Variants in GALNT13 observed in about 807,000 individuals in gnomAD.
GALNT13 encodes the protein polypeptide N-acetylgalactosaminyltransferase 13, also known as UDP-GalNAc:polypeptide N-acetylgalactosaminyltransferase 13.
A neutral mutation model predicts 64.2 loss-of-function variants in GALNT13; 28 were observed. The observed-to-expected ratio is 0.44, with a 90% confidence interval of 0.32 to 0.60. GALNT13 has a LOEUF of 0.60. Ranked by LOEUF, GALNT13 falls within the 20% of genes least tolerant of loss-of-function variation. The pLI is 0.05. For missense variants in GALNT13, 577 were observed against 669.8 expected (o/e 0.86, Z 1.53); for synonymous variants, 214 against 224.6 (o/e 0.95, Z 0.42).
chr2:153,237,574 G>A, the GALNT13 span, among the ~76,000 whole-genome samples: 1 of 152,014 alleles, frequency 6.6e-6, no homozygotes, highest in African/African-American at 2.4e-5. Context: ...TTGAGAACAT[G>A]CAAAGGTTTT....
downstream of GALNT13, among the ~76,000 whole-genome samples, chr2:154,455,079 G>T (rs1017301629): frequency 2.6e-5 from 4 of 152,222 alleles, no homozygotes; most frequent in African/African-American, 7.2e-5. Flanking sequence ...TTGCCATGGT[G>T]CTTAGAAACA....
the GALNT13 span, among the ~76,000 whole-genome samples, chr2:153,360,846 G>A: frequency 1.3e-5 from 2 of 152,244 alleles, no homozygotes; most frequent in Non-Finnish European, 2.9e-5. Context: ...CCCCAGCATG[G>A]CACACCTCCT....
chr2:153,681,449 T>C, the GALNT13 span, among the ~76,000 whole-genome samples: 1 of 151,860 alleles, frequency 6.6e-6, no homozygotes, highest in South Asian at 2.1e-4. Flanking sequence ...ATTTTCTCTG[T>C]TTAATATTCT....
At chr2:154,349,244 G>C (rs1021626318) in intron 9 of GALNT13, among the ~76,000 whole-genome samples, 9 of 152,136 alleles carry the variant, frequency 5.9e-5, no homozygotes, top group Non-Finnish European at 1.2e-4. Context: ...ACACATAATT[G>C]ATGGGATATG....
the GALNT13 span, among the ~76,000 whole-genome samples, chr2:153,643,562 A>C: frequency 1.3e-5 from 2 of 151,850 alleles, no homozygotes; most frequent in African/African-American, 4.8e-5. Flanking sequence ...AAGTTAATCC[A>C]ATCTCCACAA....
At chr2:154,129,738 C>T (rs548457483) in intron 3 of GALNT13, among the ~76,000 whole-genome samples, 32 of 151,934 alleles carry the variant, frequency 2.1e-4, no homozygotes, top group African/African-American at 7.5e-4. Context: ...TATGTTAATT[C>T]CCAGCAAACA....
chr2:153,109,458 A>G, the GALNT13 span, among the ~76,000 whole-genome samples: 36 of 152,296 alleles, frequency 2.4e-4, no homozygotes, highest in Admixed American at 1.6e-3. Context: ...AGAGAGTTCA[A>G]TTGGTTCTAT....
rs1054390213 is a variant in GALNT13 at position 154,313,887 on chromosome 2, G to A, written c.1156+12298G>A. Among the ~76,000 whole-genome samples, 4 of 151,622 alleles carry A rather than the reference G, an allele frequency of 2.6e-5. No individual in the cohort carries two copies. The South Asian group carries it at 8.3e-4, about 31-fold the overall frequency. ...AGTCTAATCATTTTTTTTTGTATAT[G>A]CAACCAATACAATAGTCTGAAATTT... On this transcript the variant is annotated intron_variant, in intron 9 of 12. Coordinates refer to ENST00000392825, the MANE Select transcript of GALNT13 (RefSeq NM_052917.4).
the GALNT13 span, among the ~76,000 whole-genome samples, chr2:153,809,639 T>C: frequency 6.6e-6 from 1 of 152,220 alleles, no homozygotes; most frequent in African/African-American, 2.4e-5. Context: ...TCCAGTCCAT[T>C]GAAGTGGGTC....
chr2:153,724,833 C>T, the GALNT13 span, among the ~76,000 whole-genome samples: 10,453 of 131,956 alleles, frequency 0.079, 760 homozygotes, highest in African/African-American at 0.22. Flanking sequence ...TGTGGAGAAA[C>T]AGGAACACTT....
the GALNT13 span, among the ~76,000 whole-genome samples, chr2:153,632,284 GC>G: frequency 4.6e-5 from 7 of 152,098 alleles, no homozygotes; most frequent in Admixed American, 1.3e-4. Context: ...TTTGTCCCTA[GC>G]CCCCGCTGAG....
intron 1 of GALNT13, among the ~76,000 whole-genome samples, chr2:153,891,933 A>T (rs1482668580): frequency 6.6e-6 from 1 of 151,994 alleles, no homozygotes; most frequent in African/African-American, 2.4e-5. Flanking sequence ...ATAGAAGTCC[A>T]TGATTGTTTC....
At chr2:154,154,031 G>A (rs1387503328) in intron 4 of GALNT13, among the ~76,000 whole-genome samples, 1 of 152,310 alleles carries the variant, frequency 6.6e-6, no homozygotes, top group East Asian at 1.9e-4. Flanking sequence ...TGTTGCTCAC[G>A]CTGGGAGCTG....
At chr2:153,421,102 C>A in the GALNT13 span, 2 of 259,920 alleles carry the variant, frequency 7.7e-6, no homozygotes, top group South Asian at 1.0e-4. Context: ...TAGTGAGAGT[C>A]ACATTTCACC....
At chr2:154,024,472 A>C (rs1697787214) in intron 3 of GALNT13, among the ~76,000 whole-genome samples, 1 of 151,914 alleles carries the variant, frequency 6.6e-6, no homozygotes, top group South Asian at 2.1e-4. Context: ...CCTTTCTTCC[A>C]GTTCATTGCA....
chr2:153,181,886 TTA>T, the GALNT13 span, among the ~76,000 whole-genome samples: 1 of 147,272 alleles, frequency 6.8e-6, no homozygotes, highest in African/African-American at 2.5e-5. Flanking sequence ...ATAAACATAT[TTA>T]TATAGTCATA....
At chr2:153,900,677 A>T (rs764280483) in intron 1 of GALNT13, among the ~76,000 whole-genome samples, 2 of 152,188 alleles carry the variant, frequency 1.3e-5, no homozygotes, top group Non-Finnish European at 2.9e-5. Context: ...CTTGCATATA[A>T]TATGAAGCTA....
the GALNT13 span, among the ~76,000 whole-genome samples, chr2:153,324,269 G>T: frequency 2.6e-5 from 4 of 152,122 alleles, no homozygotes; most frequent in Admixed American, 6.5e-5. Flanking sequence ...GTGAATGTGA[G>T]TTCACTCATG....
At chr2:153,500,750 T>C in the GALNT13 span, among the ~76,000 whole-genome samples, 1 of 152,082 alleles carries the variant, frequency 6.6e-6, no homozygotes, top group South Asian at 2.1e-4. Context: ...AAGACAACAA[T>C]TGTCTGTGAA....
Sources: allele counts gnomAD v4.1 joint callset (sites outside exome capture counted in the v4.1 genomes callset), GRCh38; gene constraint gnomAD v4.1.1; transcripts MANE v1.5; gene names NCBI Gene and HGNC (gene_info 2026-07-23, HGNC 2026-07-21).